Variants in SPATA1 observed in about 807,000 individuals in gnomAD.
SPATA1 encodes the protein spermatogenesis associated 1.
A neutral mutation model predicts 59.6 loss-of-function variants in SPATA1; 57 were observed. The ratio of observed to expected loss-of-function variants is 0.96; its 90% CI spans 0.77 to 1.19. The LOEUF (loss-of-function observed/expected upper bound fraction) is 1.19. Ranked by LOEUF, SPATA1 falls within the 50% of genes most tolerant of loss-of-function variation. SPATA1 has a pLI of 0.00. For synonymous variants in SPATA1, 147 were observed against 163.9 expected (o/e 0.90, Z 0.79); for missense variants, 448 against 480.7 (o/e 0.93, Z 0.64).
intron 6 of SPATA1, among the ~76,000 whole-genome samples, chr1:84,527,065 C>T (rs572188430): frequency 1.3e-5 from 2 of 151,986 alleles, no homozygotes; most frequent in South Asian, 2.1e-4. Context: ...ATTAAATGCA[C>T]CTAAGATGAA....
At chr1:84,525,653 A>T in intron 4 of SPATA1, 43 bp from the exon 5 acceptor site, 12 of 1,523,602 alleles carry the variant, frequency 7.9e-6, no homozygotes, top group Non-Finnish European at 1.1e-5. Flanking sequence ...ATTGAAAAAA[A>T]TGTAGCAAAA....
intron 8 of SPATA1, among the ~76,000 whole-genome samples, chr1:84,542,087 C>A (rs1263613099): frequency 6.6e-6 from 1 of 152,024 alleles, no homozygotes; most frequent in Admixed American, 6.6e-5. Context: ...CTCCTGCCTC[C>A]CGAGTAGCTG....
rs1178629550 is a variant in SPATA1 at position 84,545,844 on chromosome 1, ATAAT to A, written c.946+90_946+93del. The A allele has an allele frequency of 3.4e-4, 336 of 992,082 alleles. 1 individual carries two copies. Among genetic ancestry groups the A allele is most frequent in the African/African-American group, 1.7e-5 (1 of 58,602 alleles). The allele number at this position is 992,082 out of a possible 1,614,324, so 61.5% of individuals were successfully genotyped here. A position where few individuals can be genotyped will look rare whatever the true frequency, so the allele number is the denominator to read the frequency against. On this transcript the variant is annotated intron_variant, in intron 10 of 12. Transcript: ENST00000490879. Reference sequence around the variant, plus strand: ...TCCTTTTAGAATAAATAATAAAGTTATAATTAATATTTACTGTTTTACTATTTTA... The same window carrying A: ...TCCTTTTAGAATAAATAATAAAGTTATAATATTTACTGTTTTACTATTTTA...
chr1:84,559,592 A>G (rs2102020597), intron 4 of SPATA1, among the ~76,000 whole-genome samples: 1 of 152,350 alleles, frequency 6.6e-6, no homozygotes, highest in Non-Finnish European at 1.5e-5. Context: ...ACTGCACTCC[A>G]GCCTGGGTGA....
At chr1:84,566,133 A>G (rs1239571218) in exon 5 of SPATA1, 3 of 480,370 alleles carry the variant, frequency 6.2e-6, no homozygotes, top group Non-Finnish European at 1.0e-5. Flanking sequence ...TGCTTACAGT[A>G]TATGAATGTA....
chr1:84,542,698 C>T (rs1031369661), intron 8 of SPATA1, among the ~76,000 whole-genome samples: 3 of 152,054 alleles, frequency 2.0e-5, no homozygotes, highest in African/African-American at 7.3e-5. Context: ...GATTCTGTGC[C>T]CAAATTATGT....
At chr1:84,541,374 A>T (rs1489067370) in intron 8 of SPATA1, among the ~76,000 whole-genome samples, 1 of 151,816 alleles carries the variant, frequency 6.6e-6, no homozygotes, top group South Asian at 2.1e-4. Flanking sequence ...CTTTACCTTT[A>T]TATCTGCCAC....
rs757509463 is a variant in SPATA1 at position 84,544,306 on chromosome 1, T to A, written c.820+2T>A. On this transcript the variant is annotated splice_donor_variant, in intron 9 of 12. Coordinates refer to ENST00000490879, the Ensembl canonical transcript of SPATA1. LOFTEE classifies it high-confidence loss of function. ...ATATATCTTTATTACAAACTGAAAG[T>A]AAGTATAGTGCAATCGTAAGTACAG... 1 of 1,551,488 alleles carries A rather than the reference T, an allele frequency of 6.4e-7. No individual in the cohort carries two copies. Among genetic ancestry groups the A allele is most frequent in the Non-Finnish European group, 8.8e-7 (1 of 1,141,256 alleles).
chr1:84,557,280 C>T (rs886366444), downstream of SPATA1, among the ~76,000 whole-genome samples: 2 of 152,102 alleles, frequency 1.3e-5, no homozygotes, highest in Admixed American at 6.5e-5. Context: ...CGCCTGTAAT[C>T]CCAGCATTTT....
intron 8 of SPATA1, among the ~76,000 whole-genome samples, chr1:84,536,903 G>C (rs1038842763): frequency 3.1e-5 from 4 of 129,544 alleles, no homozygotes; most frequent in African/African-American, 1.2e-4. Flanking sequence ...TTTTTGAGAT[G>C]AAGTCTCACT....
chr1:84,508,434 A>G (rs1325965778), intron 1 of SPATA1, among the ~76,000 whole-genome samples: 1 of 152,256 alleles, frequency 6.6e-6, no homozygotes, highest in Non-Finnish European at 1.5e-5. Flanking sequence ...CATTTCAAAC[A>G]TGTTACCAAC....
At chr1:84,562,310 G>T (rs1684610274) in intron 4 of SPATA1, among the ~76,000 whole-genome samples, 2 of 152,250 alleles carry the variant, frequency 1.3e-5, no homozygotes, top group South Asian at 4.1e-4. Flanking sequence ...CACTGTTTAG[G>T]AAAGATAAGA....
chr1:84,510,219 G>C (rs1009906190), intron 1 of SPATA1, among the ~76,000 whole-genome samples: 1 of 152,062 alleles, frequency 6.6e-6, no homozygotes, highest in African/African-American at 2.4e-5. Context: ...AAAGTGAAGA[G>C]ACAACTCACA....
At chr1:84,521,962 C>G (rs1683046310) in intron 3 of SPATA1, among the ~76,000 whole-genome samples, 1 of 152,148 alleles carries the variant, frequency 6.6e-6, no homozygotes, top group Non-Finnish European at 1.5e-5. Flanking sequence ...GATGTGGACT[C>G]TGACAATGTT....
downstream of SPATA1, among the ~76,000 whole-genome samples, chr1:84,557,533 CAAAA>C (rs56101174): frequency 7.2e-5 from 4 of 55,432 alleles, no homozygotes; most frequent in Admixed American, 2.7e-4. Context: ...AACTCCATCT[CAAAA>C]AAAAAAAAAA....
intron 8 of SPATA1, among the ~76,000 whole-genome samples, chr1:84,540,388 C>CT (rs1459638950): frequency 6.6e-6 from 1 of 151,838 alleles, no homozygotes; most frequent in African/African-American, 2.4e-5. Flanking sequence ...TTCGGCCCCT[C>CT]TTTTTTCCTT....
At chr1:84,522,570 T>A in intron 4 of SPATA1, 63 bp downstream of exon 4, 1 of 795,056 alleles carries the variant, frequency 1.3e-6, no homozygotes, top group South Asian at 2.6e-5. Flanking sequence ...TTACATTTCT[T>A]AAATGCTTAT....
At chr1:84,567,302 C>T (rs1472003947), downstream of SPATA1, among the ~76,000 whole-genome samples, 1 of 152,044 alleles carries the variant, frequency 6.6e-6, no homozygotes, top group Non-Finnish European at 1.5e-5. Flanking sequence ...TTTATCACTG[C>T]CTCTTATTAC....
intron 6 of SPATA1, among the ~76,000 whole-genome samples, chr1:84,531,198 T>C (rs1426924983): frequency 6.6e-6 from 1 of 152,170 alleles, no homozygotes; most frequent in Non-Finnish European, 1.5e-5. Flanking sequence ...AGGGTCTCTC[T>C]CCAGACCAGG....
Sources: gnomAD v4.1 joint callset for allele counts (sites outside exome capture counted in the v4.1 genomes callset) on GRCh38, gnomAD v4.1.1 for gene constraint, MANE v1.5 for transcripts, NCBI Gene and HGNC (gene_info 2026-07-23, HGNC 2026-07-21) for gene names.